Variants in IL7 observed in about 807,000 individuals in gnomAD.
IL7 encodes the protein interleukin 7.
IL7 carries 3 observed loss-of-function variants against 21.6 expected under a neutral mutation model. That is an observed-to-expected ratio of 0.14 (90% CI 0.06 to 0.36). The LOEUF (loss-of-function observed/expected upper bound fraction) is 0.36. IL7 is among the 10% of genes least tolerant of loss of function. The probability of loss-of-function intolerance (pLI) is 1.00; values close to 1 mark genes in which losing one functional copy is unlikely to be tolerated. For synonymous variants in IL7, 62 were observed against 68.1 expected, an observed-to-expected ratio of 0.91 and a Z score of 0.44; for missense variants, 175 against 200.2, an observed-to-expected ratio of 0.87 and a Z score of 0.76.
At chr8:78,758,607 G>A (rs1161321719) in intron 2 of IL7, among the ~76,000 whole-genome samples, 2 of 151,942 alleles carry the variant, frequency 1.3e-5, no homozygotes, top group Non-Finnish European at 2.9e-5. Flanking sequence ...CTTTTTAAAG[G>A]ATAGCTTTCC....
intron 3 of IL7, chr8:78,686,647 A>T (rs748205098): frequency 7.0e-7 from 1 of 1,423,334 alleles, no homozygotes; most frequent in Non-Finnish European, 9.2e-7. Flanking sequence ...TCATGTGGAA[A>T]GAAAATAATG....
intron 3 of IL7, among the ~76,000 whole-genome samples, chr8:78,693,066 AT>A (rs1368703203): frequency 6.6e-6 from 1 of 151,742 alleles, no homozygotes; most frequent in African/African-American, 2.4e-5. Flanking sequence ...TGAACTCATC[AT>A]TTTTTATGGC....
intron 2 of IL7, among the ~76,000 whole-genome samples, chr8:78,747,599 T>C (rs1294130961): frequency 1.3e-5 from 2 of 152,224 alleles, no homozygotes; most frequent in Non-Finnish European, 2.9e-5. Flanking sequence ...TCTCAATTGC[T>C]ACAATTTTTA....
At chr8:78,701,081 G>T (rs986108067) in intron 3 of IL7, among the ~76,000 whole-genome samples, 8 of 152,046 alleles carry the variant, frequency 5.3e-5, no homozygotes, top group African/African-American at 1.9e-4. Flanking sequence ...ATTGCTTTAG[G>T]CAGTATCACC....
downstream of IL7, among the ~76,000 whole-genome samples, chr8:78,730,890 A>G (rs1177315586): frequency 6.6e-6 from 1 of 152,026 alleles, no homozygotes; most frequent in African/African-American, 2.4e-5. Context: ...CATTAATATT[A>G]TCTAGAATTA....
chr8:78,766,926 T>A lies in IL7; in HGVS notation c.148-26844A>T, dbSNP rs186533605. Among the ~76,000 whole-genome samples, 338 of 152,264 alleles carry A rather than the reference T, an allele frequency of 2.2e-3. 2 individuals carry two copies. The highest frequency in any genetic ancestry group is 7.6e-3 in the African/African-American group (315 of 41,572). ...TATAAAGGAGGCCATTCTGTTACAT[T>A]CTTATTTGGATCAGATGTCATCAGT... is the stretch of plus-strand genomic sequence containing the variant. On this transcript the variant is annotated intron_variant, in intron 2 of 5. Coordinates refer to ENST00000263851, the MANE Select transcript of IL7 (RefSeq NM_000880.4).
chr8:78,695,997 TATG>T (rs1171119114), intron 3 of IL7, among the ~76,000 whole-genome samples: 1 of 152,176 alleles, frequency 6.6e-6, no homozygotes, highest in Non-Finnish European at 1.5e-5. Context: ...GGTTATAAAA[TATG>T]ATTTGATTTT....
intron 4 of IL7, among the ~76,000 whole-genome samples, chr8:78,684,697 C>T (rs920567989): frequency 6.6e-6 from 1 of 152,086 alleles, no homozygotes; most frequent in Non-Finnish European, 1.5e-5. Context: ...AATAACTAAG[C>T]TTCATATACT....
intron 2 of IL7, among the ~76,000 whole-genome samples, chr8:78,741,580 A>G (rs897592102): frequency 1.3e-5 from 2 of 152,254 alleles, no homozygotes; most frequent in African/African-American, 2.4e-5. Flanking sequence ...ATTGCATGAC[A>G]CATGAATATT....
At chr8:78,796,832 A>G (rs1813869143) in intron 2 of IL7, among the ~76,000 whole-genome samples, 1 of 151,982 alleles carries the variant, frequency 6.6e-6, no homozygotes, top group African/African-American at 2.4e-5. Context: ...GCCACTTTGG[A>G]AGAAAGTTTG....
intron 2 of IL7, among the ~76,000 whole-genome samples, chr8:78,755,465 A>G (rs566135293): frequency 3.9e-5 from 6 of 152,072 alleles, no homozygotes; most frequent in Non-Finnish European, 7.4e-5. Flanking sequence ...TAGGCATATT[A>G]TATCTTTACA....
At chr8:78,766,870 A>G (rs1442298985) in intron 2 of IL7, among the ~76,000 whole-genome samples, 1 of 152,116 alleles carries the variant, frequency 6.6e-6, no homozygotes. Context: ...TGGTATATGT[A>G]TTTTTAAAAT....
intron 2 of IL7, among the ~76,000 whole-genome samples, chr8:78,781,927 C>CT (rs910883088): frequency 6.6e-6 from 1 of 152,044 alleles, no homozygotes; most frequent in Non-Finnish European, 1.5e-5. Flanking sequence ...CTTTTCATGC[C>CT]TTTTTTCTCT....
intron 3 of IL7, among the ~76,000 whole-genome samples, chr8:78,701,555 G>A (rs191970945): frequency 3.5e-4 from 54 of 152,234 alleles, no homozygotes; most frequent in African/African-American, 1.2e-3. Flanking sequence ...GTGAGAAAGG[G>A]CATCTTTGTC....
intron 3 of IL7, among the ~76,000 whole-genome samples, chr8:78,727,743 C>G (rs1378682662): frequency 2.0e-5 from 3 of 151,792 alleles, no homozygotes; most frequent in African/African-American, 7.3e-5. Context: ...AGTAAGTTGA[C>G]AACATCTTGG....
intron 3 of IL7, among the ~76,000 whole-genome samples, chr8:78,725,283 G>C (rs1811321199): frequency 1.3e-5 from 2 of 151,904 alleles, no homozygotes; most frequent in African/African-American, 4.8e-5. Flanking sequence ...TAAGGTAGCT[G>C]TGGCAGAGCA....
chr8:78,717,412 C>A, downstream of IL7: 1 of 1,613,200 alleles, frequency 6.2e-7, no homozygotes, highest in Non-Finnish European at 8.5e-7. Flanking sequence ...TACCAAAATT[C>A]TGCCATGAGT....
intron 4 of IL7, among the ~76,000 whole-genome samples, chr8:78,681,989 C>T (rs1809803081): frequency 1.3e-5 from 2 of 151,006 alleles, no homozygotes; most frequent in Non-Finnish European, 1.5e-5. Flanking sequence ...TGATTTCTGC[C>T]ACTTTCACCT....
intron 2 of IL7, among the ~76,000 whole-genome samples, chr8:78,746,629 T>C (rs1294297977): frequency 6.6e-6 from 1 of 152,178 alleles, no homozygotes; most frequent in Non-Finnish European, 1.5e-5. Context: ...TCTTTGTGCA[T>C]ATGTTAAAAC....
Sources: gnomAD v4.1 joint callset for allele counts (sites outside exome capture counted in the v4.1 genomes callset) on GRCh38, gnomAD v4.1.1 for gene constraint, MANE v1.5 for transcripts, NCBI Gene and HGNC (gene_info 2026-07-23, HGNC 2026-07-21) for gene names.